The following MAPK10 variants were observed in gnomAD, a reference collection of about 807,000 sequenced individuals.
The protein encoded by MAPK10 is JNK3 alpha protein kinase.
In MAPK10, 25 loss-of-function variants were observed where a neutral mutation model predicts 59.3. The ratio of observed to expected loss-of-function variants is 0.42; its 90% CI spans 0.31 to 0.59. The LOEUF is 0.59. Among genes scored for constraint, MAPK10 ranks in the 20% least tolerant of loss-of-function variants. The pLI is 0.15. For missense variants in MAPK10, 351 were observed against 568.9 expected (o/e 0.62, Z 3.90); for synonymous variants, 190 against 200.5 (o/e 0.95, Z 0.44).
At chr4:86,378,334 C>A (rs1430842586) in intron 1 of MAPK10, among the ~76,000 whole-genome samples, 1 of 152,168 alleles carries the variant, frequency 6.6e-6, no homozygotes, top group Non-Finnish European at 1.5e-5. Flanking sequence ...CTCCTGTCTG[C>A]AACTCTCTTC....
At chr4:86,438,476 G>A (rs1481862834) in intron 1 of MAPK10, among the ~76,000 whole-genome samples, 1 of 151,960 alleles carries the variant, frequency 6.6e-6, no homozygotes, top group Admixed American at 6.6e-5. Flanking sequence ...GATCATCTGA[G>A]GTCAGGAGTT....
chr4:86,575,496 G>A (rs1335596613), intron 1 of MAPK10, among the ~76,000 whole-genome samples: 2 of 152,032 alleles, frequency 1.3e-5, no homozygotes, highest in Non-Finnish European at 2.9e-5. Flanking sequence ...TCATTATTAA[G>A]TATGTCAGCT....
chr4:86,467,580 C>T (rs149568582), intron 1 of MAPK10, among the ~76,000 whole-genome samples: 3,622 of 152,128 alleles, frequency 0.024, 132 homozygotes, highest in African/African-American at 0.084. Flanking sequence ...AGTGGAGTGG[C>T]GCAATCTTGG....
chr4:86,427,569 T>G (rs1199741111), intron 1 of MAPK10, among the ~76,000 whole-genome samples: 1 of 152,150 alleles, frequency 6.6e-6, no homozygotes, highest in African/African-American at 2.4e-5. Context: ...AATGAATGTT[T>G]AAGGAAAGCA....
chr4:86,125,975 C>A (rs2060011891), intron 4 of MAPK10: 1 of 151,940 alleles, frequency 6.6e-6, no homozygotes, highest in South Asian at 2.1e-4. Context: ...ATTAAGTGAC[C>A]CACAGGAATT....
intron 11 of MAPK10, among the ~76,000 whole-genome samples, chr4:86,039,869 G>C (rs1295418840): frequency 6.6e-6 from 1 of 152,066 alleles, no homozygotes; most frequent in Non-Finnish European, 1.5e-5. Flanking sequence ...TCTAGACTTA[G>C]GCCCAACCCT....
At chr4:86,084,536 C>T (rs553228145) in intron 9 of MAPK10, among the ~76,000 whole-genome samples, 1 of 152,062 alleles carries the variant, frequency 6.6e-6, no homozygotes, top group Admixed American at 6.6e-5. Context: ...TAAGAAGTAA[C>T]TTAAGCAAAC....
intron 1 of MAPK10, among the ~76,000 whole-genome samples, chr4:86,420,483 T>G (rs990187968): frequency 2.6e-5 from 4 of 152,116 alleles, no homozygotes; most frequent in African/African-American, 9.7e-5. Flanking sequence ...ATTCAGATAA[T>G]TGCCTTTAAA....
chr4:86,522,526 C>T (rs575394857), intron 1 of MAPK10, among the ~76,000 whole-genome samples: 106 of 152,048 alleles, frequency 7.0e-4, no homozygotes, highest in Admixed American at 9.8e-4. Context: ...AATTCTATCC[C>T]GCTTCATAAC....
intron 3 of MAPK10, among the ~76,000 whole-genome samples, chr4:86,172,786 A>T (rs1270563354): frequency 7.2e-5 from 9 of 124,834 alleles, no homozygotes; most frequent in East Asian, 5.9e-4. Context: ...GTAAAAAATT[A>T]AAAAAAAAAG....
intron 2 of MAPK10, among the ~76,000 whole-genome samples, chr4:86,347,326 C>A (rs918107523): frequency 2.0e-5 from 3 of 152,186 alleles, no homozygotes; most frequent in South Asian, 2.1e-4. Context: ...ACAGAGAATT[C>A]TTTATGAAGA....
At chr4:86,360,879 G>C (rs1736812653), upstream of MAPK10, among the ~76,000 whole-genome samples, 1 of 151,928 alleles carries the variant, frequency 6.6e-6, no homozygotes, top group African/African-American at 2.4e-5. Context: ...AAAAAATTAG[G>C]TTTACCAAAT....
In MAPK10 at chr4:86,548,750, C is replaced by T. The variant is rs1191246957; in HGVS notation, c.-263+45160G>A. ...GTGAGAACAGACTAATGCAGGTACT[C>T]TCAGTGCCACTCTGACCCTGGTGAT... On this transcript the variant is annotated intron_variant, in intron 1 of 4. Transcript: ENST00000502302. Among the ~76,000 whole-genome samples, 5 of 152,290 alleles carry T rather than the reference C, an allele frequency of 3.3e-5. No homozygotes were observed. In the South Asian group the frequency reaches 8.3e-4, roughly 25 times the overall value.
At chr4:86,028,024 C>T (rs1751222209) in intron 13 of MAPK10, 1 of 152,226 alleles carries the variant, frequency 6.6e-6, no homozygotes, top group Admixed American at 6.5e-5. Flanking sequence ...GTTATTTCTG[C>T]TGCTTAATGA....
intron 1 of MAPK10, among the ~76,000 whole-genome samples, chr4:86,520,140 T>C (rs773480407): frequency 1.6e-4 from 24 of 152,214 alleles, no homozygotes; most frequent in Non-Finnish European, 2.8e-4. Flanking sequence ...TCTTTAAGCT[T>C]CTTATATTTG....
At chr4:86,179,907 G>C (rs1413499322) in intron 3 of MAPK10, among the ~76,000 whole-genome samples, 1 of 151,954 alleles carries the variant, frequency 6.6e-6, no homozygotes, top group African/African-American at 2.4e-5. Context: ...TAGGGAATAT[G>C]CTTTGGAACA....
At chr4:86,083,423 C>T (rs754334920) in intron 9 of MAPK10, among the ~76,000 whole-genome samples, 6 of 152,208 alleles carry the variant, frequency 3.9e-5, no homozygotes, top group Non-Finnish European at 7.4e-5. Context: ...CTCAGTGCTG[C>T]CCTTGTTATA....
chr4:86,372,556 GAAAGAAAGAAA>G (rs1196570648), intron 1 of MAPK10, among the ~76,000 whole-genome samples: 31 of 11,178 alleles, frequency 2.8e-3, no homozygotes, highest in South Asian at 0.01. Context: ...AAGAAAGAAA[GAAAGAAAGAAA>G]GAAAAGAAAA....
At chr4:86,106,964 C>A (rs1482831333) in intron 5 of MAPK10, 2 of 211,360 alleles carry the variant, frequency 9.5e-6, no homozygotes, top group Non-Finnish European at 1.9e-5. Flanking sequence ...AGCAAGATAA[C>A]CAAATATGGT....
Sources: gnomAD v4.1 joint callset for allele counts (sites outside exome capture counted in the v4.1 genomes callset) on GRCh38, gnomAD v4.1.1 for gene constraint, MANE v1.5 for transcripts, NCBI Gene and HGNC (gene_info 2026-07-23, HGNC 2026-07-21) for gene names.